Variants in CACNA2D3 observed in about 807,000 individuals in gnomAD.
The protein encoded by CACNA2D3 is calcium voltage-gated channel auxiliary subunit alpha2delta 3.
In CACNA2D3, 60 loss-of-function variants were observed where a neutral mutation model predicts 160.6. The observed-to-expected ratio is 0.37, with a 90% CI of 0.30 to 0.46. The LOEUF (loss-of-function observed/expected upper bound fraction) is 0.46, where lower values mean the gene tolerates loss of function less well. Ranked by LOEUF, CACNA2D3 falls within the 20% of genes least tolerant of loss-of-function variation. The pLI is 1.00. For synonymous variants in CACNA2D3, 558 were observed against 492.9 expected (o/e 1.13, Z -1.75); for missense variants, 1,205 against 1,365.0 (o/e 0.88, Z 1.85).
chr3:54,766,762 A>G (rs959903997), intron 13 of CACNA2D3, among the ~76,000 whole-genome samples: 1 of 152,134 alleles, frequency 6.6e-6, no homozygotes, highest in Non-Finnish European at 1.5e-5. Flanking sequence ...AAAAACAAGA[A>G]TGAGAATGAC....
At chr3:54,259,451 CAAAAA>C (rs1353679705) in intron 2 of CACNA2D3, among the ~76,000 whole-genome samples, 2 of 152,102 alleles carry the variant, frequency 1.3e-5, no homozygotes, top group African/African-American at 2.4e-5. Flanking sequence ...AAAAAACCCT[CAAAAA>C]AAGAAAACTT....
intron 2 of CACNA2D3, among the ~76,000 whole-genome samples, chr3:54,308,381 C>G (rs953844166): frequency 1.3e-5 from 2 of 152,134 alleles, no homozygotes; most frequent in Non-Finnish European, 2.9e-5. Flanking sequence ...ATAAGGGCCA[C>G]GTCCAGGCTA....
intron 3 of CACNA2D3, among the ~76,000 whole-genome samples, chr3:54,331,467 C>T (rs1401477567): frequency 6.6e-6 from 1 of 152,152 alleles, no homozygotes; most frequent in Non-Finnish European, 1.5e-5. Context: ...CATAATTCCC[C>T]CACAGAAAGC....
intron 11 of CACNA2D3, among the ~76,000 whole-genome samples, chr3:54,745,407 T>A (rs536822603): frequency 6.6e-6 from 1 of 152,086 alleles, no homozygotes; most frequent in Non-Finnish European, 1.5e-5. Flanking sequence ...TTGGTTTGTG[T>A]ATCAGAAATG....
intron 4 of CACNA2D3, among the ~76,000 whole-genome samples, chr3:54,444,187 C>T (rs781647116): frequency 7.2e-5 from 11 of 152,192 alleles, no homozygotes; most frequent in African/African-American, 2.2e-4. Context: ...TGTCTCCTAG[C>T]CAGAGGGGAC....
chr3:54,963,757 C>G (rs193279448), intron 27 of CACNA2D3, among the ~76,000 whole-genome samples: 2 of 152,172 alleles, frequency 1.3e-5, no homozygotes, highest in African/African-American at 4.8e-5. Context: ...CAGGCCTGTA[C>G]CCCTGGCGGT....
chr3:54,375,238 T>C (rs1868497), intron 3 of CACNA2D3, among the ~76,000 whole-genome samples: 38,603 of 152,130 alleles, frequency 0.25, 4,999 homozygotes, highest in Middle Eastern at 0.32. Flanking sequence ...GTTGCAGTTG[T>C]CTACTGGTTT....
chr3:54,152,077 C>T (rs1205887321), intron 2 of CACNA2D3, among the ~76,000 whole-genome samples: 1 of 152,224 alleles, frequency 6.6e-6, no homozygotes, highest in Non-Finnish European at 1.5e-5. Context: ...TTCCCACAGG[C>T]TCTCCAGAAT....
At chr3:54,802,729 G>T (rs1442356696) in intron 13 of CACNA2D3, among the ~76,000 whole-genome samples, 1 of 152,174 alleles carries the variant, frequency 6.6e-6, no homozygotes, top group African/African-American at 2.4e-5. Flanking sequence ...TGCAGCTGGA[G>T]ATGTGAGAAT....
chr3:54,386,782 AT>A lies in CACNA2D3; in HGVS notation c.381+10del. The A allele has an allele frequency of 6.3e-7, 1 of 1,587,422 alleles. No individual in the cohort carries two copies. The highest frequency in any genetic ancestry group is 8.6e-7 in the Non-Finnish European group (1 of 1,165,868). ...TTTGATGCAGACTTACAGGTAACTG[AT>A]TATAGTTTGAGTTAAATTGTTTTGT... On this transcript the variant is annotated intron_variant, in intron 4 of 37. Transcript: ENST00000474759.
At chr3:55,013,408 A>G (rs1455976657) in intron 34 of CACNA2D3, among the ~76,000 whole-genome samples, 1 of 152,180 alleles carries the variant, frequency 6.6e-6, no homozygotes, top group East Asian at 1.9e-4. Flanking sequence ...CATTTTATGG[A>G]TGAAGAAAAG....
intron 3 of CACNA2D3, among the ~76,000 whole-genome samples, chr3:54,349,495 T>A (rs535465449): frequency 1.3e-5 from 2 of 152,330 alleles, no homozygotes; most frequent in Admixed American, 1.3e-4. Flanking sequence ...CTCCCCTGAC[T>A]CTGAGCCAAG....
chr3:54,590,198 G>A (rs925981328), intron 9 of CACNA2D3, among the ~76,000 whole-genome samples: 46 of 151,942 alleles, frequency 3.0e-4, no homozygotes, highest in African/African-American at 9.7e-4. Context: ...GTTCTATGTC[G>A]CCACTATGGA....
At chr3:54,915,722 T>A (rs910006960) in intron 27 of CACNA2D3, among the ~76,000 whole-genome samples, 1 of 152,216 alleles carries the variant, frequency 6.6e-6, no homozygotes, top group Non-Finnish European at 1.5e-5. Flanking sequence ...CAATTTGATT[T>A]ATATTTTTTT....
At chr3:54,726,825 G>A (rs546919756) in intron 11 of CACNA2D3, among the ~76,000 whole-genome samples, 2 of 152,166 alleles carry the variant, frequency 1.3e-5, no homozygotes, top group African/African-American at 2.4e-5. Context: ...AAGGAAACGT[G>A]GGTAATACCA....
At chr3:54,668,659 C>A (rs534601670) in intron 11 of CACNA2D3, among the ~76,000 whole-genome samples, 2 of 152,326 alleles carry the variant, frequency 1.3e-5, no homozygotes, top group Non-Finnish European at 2.9e-5. Context: ...CTTCACCAAC[C>A]CTGCAGGGAT....
intron 35 of CACNA2D3, among the ~76,000 whole-genome samples, chr3:55,066,640 A>G (rs141443597): frequency 1.3e-5 from 2 of 152,224 alleles, no homozygotes; most frequent in East Asian, 1.9e-4. Context: ...AAATCGCATC[A>G]TCTTTTTCCC....
rs79427739 is a variant in CACNA2D3 at position 55,054,539 on chromosome 3, T to A, written c.2988-18906T>A. Among the ~76,000 whole-genome samples, 678 of 150,932 alleles carry A rather than the reference T, an allele frequency of 4.5e-3. 2 individuals carry two copies. Among genetic ancestry groups the A allele is most frequent in the African/African-American group, 0.015 (604 of 41,346 alleles). On this transcript the variant is annotated intron_variant, in intron 35 of 37. Coordinates refer to ENST00000474759, the MANE Select transcript of CACNA2D3 (RefSeq NM_018398.3). Reference sequence around the variant, plus strand: ...CATATTTCTGCTGGAATTCCCCGTTTCATACCTCAGTATAGCCACTTTCTA... The same window carrying A: ...CATATTTCTGCTGGAATTCCCCGTTACATACCTCAGTATAGCCACTTTCTA...
intron 2 of CACNA2D3, among the ~76,000 whole-genome samples, chr3:54,263,616 G>A (rs370927098): frequency 1.1e-4 from 17 of 152,304 alleles, no homozygotes; most frequent in South Asian, 1.0e-3. Context: ...ATGAAGCAGT[G>A]TGTGACAGAT....
Sources: gnomAD v4.1 joint callset for allele counts (sites outside exome capture counted in the v4.1 genomes callset) on GRCh38, gnomAD v4.1.1 for gene constraint, MANE v1.5 for transcripts, NCBI Gene and HGNC (gene_info 2026-07-23, HGNC 2026-07-21) for gene names.